Variants in MCF2L observed in about 807,000 individuals in gnomAD.
MCF2L encodes the protein guanine nucleotide exchange factor DBS.
A neutral mutation model predicts 153.4 loss-of-function variants in MCF2L; 97 were observed. The ratio of observed to expected loss-of-function variants is 0.63; its 90% CI spans 0.54 to 0.75. The LOEUF (loss-of-function observed/expected upper bound fraction) is 0.75. Ranked by LOEUF, MCF2L falls within the 30% of genes least tolerant of loss-of-function variation. MCF2L has a pLI of 0.00. For missense variants in MCF2L, 1,347 were observed against 1,495.2 expected, an observed-to-expected ratio of 0.90 and a Z score of 1.64; for synonymous variants, 659 against 632.2, an observed-to-expected ratio of 1.04 and a Z score of -0.64.
chr13:113,030,053 A>T (rs1304711836), intron 3 of MCF2L, among the ~76,000 whole-genome samples: 1 of 152,228 alleles, frequency 6.6e-6, no homozygotes, highest in African/African-American at 2.4e-5. Flanking sequence ...TAAGCACTAC[A>T]TCTGACTATA....
chr13:113,011,086 C>T (rs1042417369), intron 1 of MCF2L, among the ~76,000 whole-genome samples: 1 of 152,134 alleles, frequency 6.6e-6, no homozygotes, highest in Non-Finnish European at 1.5e-5. Context: ...AAACGCCCAG[C>T]GCCCTGAAAA....
At chr13:112,939,786 G>A (rs980438125) in intron 2 of MCF2L, among the ~76,000 whole-genome samples, 11 of 151,996 alleles carry the variant, frequency 7.2e-5, no homozygotes, top group South Asian at 4.1e-4. Flanking sequence ...GAGACCAGCC[G>A]GGCCAACATG....
chr13:113,085,022 T>G (rs2034499468), intron 19 of MCF2L, 38 bp downstream of exon 19: 1 of 1,611,996 alleles, frequency 6.2e-7, no homozygotes, highest in Non-Finnish European at 8.5e-7. Flanking sequence ...GTTACTCCCT[T>G]TCCTAGCCGA....
At chr13:113,032,512 G>C (rs1283325012) in intron 3 of MCF2L, among the ~76,000 whole-genome samples, 1 of 152,226 alleles carries the variant, frequency 6.6e-6, no homozygotes, top group Non-Finnish European at 1.5e-5. Context: ...CTGTTCAGCG[G>C]TGTGTCGTGG....
At chr13:112,966,378 T>C (rs2081893399), upstream of MCF2L, among the ~76,000 whole-genome samples, 1 of 152,212 alleles carries the variant, frequency 6.6e-6, no homozygotes, top group Non-Finnish European at 1.5e-5. The surrounding 1 kb of genome is among the most constrained non-coding windows in gnomAD (Gnocchi z 4.1). Context: ...CAGAGCTCCC[T>C]CTTCCTCAGG....
At chr13:113,079,430 C>T (rs1176136843) in intron 15 of MCF2L, among the ~76,000 whole-genome samples, 1 of 152,196 alleles carries the variant, frequency 6.6e-6, no homozygotes, top group East Asian at 1.9e-4. Flanking sequence ...TGGCTTCACA[C>T]TTTGCACTGT....
At chr13:112,992,380 G>A (rs935955896) in intron 1 of MCF2L, among the ~76,000 whole-genome samples, 4 of 152,296 alleles carry the variant, frequency 2.6e-5, no homozygotes, top group East Asian at 3.9e-4. Flanking sequence ...AACCTCGACC[G>A]TGCTTCCTGA....
At chr13:113,087,178 C>T (rs951967418) in intron 21 of MCF2L, 57 bp from the exon 22 acceptor site, 16 of 1,452,600 alleles carry the variant, frequency 1.1e-5, no homozygotes, top group African/African-American at 9.8e-5. Flanking sequence ...CAGCGATGCG[C>T]GTCCATGGCC....
intron 15 of MCF2L, 113 bp downstream of exon 15, chr13:113,078,852 T>G: frequency 1.0e-6 from 1 of 979,884 alleles, no homozygotes; most frequent in Non-Finnish European, 1.5e-6. Context: ...GGTGCAGAAG[T>G]CATTGTGGTT....
intron 26 of MCF2L, chr13:113,091,032 G>A (rs1252916867): frequency 1.6e-6 from 2 of 1,289,586 alleles, no homozygotes; most frequent in Non-Finnish European, 2.0e-6. Flanking sequence ...TCCCCTTCCA[G>A]CACGAGCGCG....
intron 2 of MCF2L, among the ~76,000 whole-genome samples, chr13:112,937,226 T>C (rs1197819440): frequency 2.6e-5 from 4 of 152,062 alleles, no homozygotes; most frequent in Non-Finnish European, 5.9e-5. Context: ...GCTAATTTTT[T>C]GTATTTTTAG....
chr13:113,062,926 C>T (rs145371995), intron 5 of MCF2L, among the ~76,000 whole-genome samples: 10 of 152,368 alleles, frequency 6.6e-5, no homozygotes, highest in East Asian at 1.9e-4. Flanking sequence ...CCACTCTCCC[C>T]GTCCGGCCTC....
At position 113,031,176 on chromosome 13, in the gene MCF2L, ACAG is replaced by A. The variant is rs1566768247; in HGVS notation, c.278+6419_278+6421del. 9.0e-3 allele frequency among the ~76,000 whole-genome samples: 898 copies of A among 100,214 alleles called. 12 individuals are homozygous for A. Among genetic ancestry groups the A allele is most frequent in the African/African-American group, 0.029 (836 of 29,182 alleles). The allele number at this position is 100,214 out of a possible 152,430, so 65.7% of individuals were successfully genotyped here. On this transcript the variant is annotated intron_variant, in intron 3 of 29. Transcript: ENST00000535094. The surrounding 1 kb of genome is among the most constrained non-coding windows in gnomAD (Gnocchi z 5.5). Reference sequence around the variant, plus strand: ...AGACAGAGAGAAGAGACAGAGAGTGACAGACAGAGACAGAGAGACAGAGACAGA... The same window carrying A: ...AGACAGAGAGAAGAGACAGAGAGTGAACAGAGACAGAGAGACAGAGACAGA...
At chr13:113,062,898 C>G (rs1048382799) in intron 5 of MCF2L, among the ~76,000 whole-genome samples, 4 of 152,222 alleles carry the variant, frequency 2.6e-5, no homozygotes, top group African/African-American at 9.6e-5. Flanking sequence ...ATAACCATAA[C>G]CGTGTGGGAA....
chr13:112,933,225 A>G (rs1420131704), intron 2 of MCF2L, among the ~76,000 whole-genome samples: 2 of 152,194 alleles, frequency 1.3e-5, no homozygotes, highest in Admixed American at 6.5e-5. Flanking sequence ...GGACTTTCAG[A>G]GACGCCCAGG....
intron 2 of MCF2L, among the ~76,000 whole-genome samples, chr13:113,021,021 G>A (rs1321064252): frequency 6.7e-6 from 1 of 149,546 alleles, no homozygotes; most frequent in African/African-American, 2.5e-5. Flanking sequence ...CTGTATGGTA[G>A]CTGTGTATGT....
At chr13:112,973,280 T>C (rs1321965314) in intron 1 of MCF2L, among the ~76,000 whole-genome samples, 1 of 152,170 alleles carries the variant, frequency 6.6e-6, no homozygotes, top group Admixed American at 6.5e-5. Flanking sequence ...TGAGGCCCTT[T>C]AGGAGAAAAA....
chr13:112,924,136 A>G (rs1027074725), intron 2 of MCF2L, among the ~76,000 whole-genome samples: 1 of 152,070 alleles, frequency 6.6e-6, no homozygotes, highest in East Asian at 1.9e-4. Context: ...ACGCACACAC[A>G]TTATCCCCAA....
chr13:113,038,914 A>G (rs139846968), intron 3 of MCF2L, among the ~76,000 whole-genome samples: 6,736 of 152,116 alleles, frequency 0.044, 425 homozygotes, highest in African/African-American at 0.14. Context: ...CTGGAGTGCA[A>G]TGGTGCTATC....
Sources: allele counts gnomAD v4.1 joint callset (sites outside exome capture counted in the v4.1 genomes callset), GRCh38; gene constraint gnomAD v4.1.1; non-coding constraint Gnocchi (gnomAD v3.1); transcripts MANE v1.5; gene names NCBI Gene and HGNC (gene_info 2026-07-23, HGNC 2026-07-21).